THBS3: variants seen among roughly 807,000 people sequenced by gnomAD.
The protein encoded by THBS3 is thrombospondin 3.
In THBS3, 78 loss-of-function variants were observed where a neutral mutation model predicts 118.3. That is an observed-to-expected ratio of 0.66 (90% CI 0.55 to 0.80). The LOEUF is 0.80. Ranked by LOEUF, THBS3 falls within the 30% of genes least tolerant of loss-of-function variation. The probability of loss-of-function intolerance (pLI) is 0.00; values close to 1 mark genes in which losing one functional copy is unlikely to be tolerated. For missense variants in THBS3, 1,057 were observed against 1,247.4 expected, an observed-to-expected ratio of 0.85 and a Z score of 2.30; for synonymous variants, 427 against 475.3, an observed-to-expected ratio of 0.90 and a Z score of 1.32.
In THBS3 at chr1:155,203,292, C is replaced by T. The variant is rs535973025; in HGVS notation, c.687G>A (p.Lys229=). Residue 229 remains lysine (K), a synonymous_variant, in exon 6 of 23, where the codon AAG becomes AAA. Coordinates refer to ENST00000368378, the MANE Select transcript of THBS3 (RefSeq NM_007112.5). ...AGAGGGTGAGTTGGGTGACCAGCGCCTTGGTCTGCTCCCCTGTCGGGACCC... is the reference window on the plus strand; with the variant it reads ...AGAGGGTGAGTTGGGTGACCAGCGCTTTGGTCTGCTCCCCTGTCGGGACCC... ...ALHSILGEQT[K]ALVTQLTLFN... 1.9e-6 allele frequency: 3 copies of T among 1,614,092 alleles called. No individual in the cohort carries two copies. The highest frequency in any genetic ancestry group is 2.5e-6 in the Non-Finnish European group (3 of 1,180,024).
chr1:155,206,641 C>T lies in THBS3; in HGVS notation c.80-235G>A, dbSNP rs1670586832. Among the ~76,000 whole-genome samples the T allele has an allele frequency of 6.6e-6, 1 of 151,894 alleles. No individual in the cohort carries two copies. The highest frequency in any genetic ancestry group is 6.6e-5 in the Admixed American group (1 of 15,266). ...ACCAGCCTGGCCAACACGGTGAAAC[C>T]CCGTGTCTACTAAAAATACAAAAAC... On this transcript the variant is annotated intron_variant, in intron 1 of 22. Transcript: ENST00000368378. This position sits in a 1 kb window ranked among gnomAD's most constrained non-coding sequence, Gnocchi z 4.2.
rs144498728 is a variant in THBS3 at position 155,196,366 on chromosome 1, G to A, written c.2673-240C>T. Reference sequence around the variant, plus strand: ...TCTCAAAGCACCAGCCGCATTCCAAGCGAGGATTGGGTTGCCATGACAATA... The same window carrying A: ...TCTCAAAGCACCAGCCGCATTCCAAACGAGGATTGGGTTGCCATGACAATA... On this transcript the variant is annotated intron_variant, in intron 21 of 22. Coordinates refer to ENST00000368378, the MANE Select transcript of THBS3 (RefSeq NM_007112.5). 3,091 of 557,506 alleles carry A rather than the reference G, an allele frequency of 5.5e-3. 16 individuals are homozygous for A. Among genetic ancestry groups the A allele is most frequent in the Non-Finnish European group, 8.0e-3 (2,506 of 314,726 alleles). 34.5% of individuals were successfully genotyped at this position (557,506 alleles called of 1,614,324 possible).
rs138779407 is a variant in THBS3 at position 155,207,078 on chromosome 1, G to A, written c.80-672C>T. Among the ~76,000 whole-genome samples, 823 of 152,220 alleles carry A rather than the reference G, an allele frequency of 5.4e-3. 10 individuals are homozygous for A. Among genetic ancestry groups the A allele is most frequent in the African/African-American group, 0.019 (780 of 41,522 alleles). On this transcript the variant is annotated intron_variant, in intron 1 of 22. Transcript: ENST00000368378. ...AGGAGTGGCACCTGGTGTCCACAAC[G>A]TAGAAATGGAAGGCAGCTTCTCTTT...
Position 155,202,377 on chromosome 1 carries a change from G to A in THBS3, c.982C>T (p.Pro328Ser). Reference protein sequence around the residue: ...NECAHADPCFPGSSCINTMPG... With the variant: ...NECAHADPCFSGSSCINTMPG... Reference sequence around the variant, plus strand: ...ATGGTGTTGATGCAGCTGGAGCCCGGGAAACAGGGGTCAGCGTGAGCACAC... The same window carrying A: ...ATGGTGTTGATGCAGCTGGAGCCCGAGAAACAGGGGTCAGCGTGAGCACAC... The change falls in exon 9 of 23, where the codon CCG (proline) becomes TCG (serine). Residue 328 changes from proline (P) to serine (S), a missense_variant. This residue lies in a region of THBS3 where 544 missense variants were observed against 715.6 expected (regional missense o/e 0.76). Transcript: ENST00000368378. This position sits in a 1 kb window ranked among gnomAD's most constrained non-coding sequence, Gnocchi z 5.5. The A allele has an allele frequency of 6.2e-7, 1 of 1,613,958 alleles. No individual in the cohort carries two copies. Among genetic ancestry groups the A allele is most frequent in the Non-Finnish European group, 8.5e-7 (1 of 1,179,960 alleles).
intron 14 of THBS3, 101 bp downstream of exon 14, chr1:155,200,350 C>T (rs1234550852): frequency 1.4e-5 from 21 of 1,458,934 alleles, no homozygotes. Flanking sequence ...CACAAGCCTG[C>T]CTCCCTATTT....
chr1:155,202,708 CCA>C lies in THBS3; in HGVS notation c.957+102_957+103del. On this transcript the variant is annotated intron_variant, in intron 8 of 22. Transcript: ENST00000368378. This position sits in a 1 kb window ranked among gnomAD's most constrained non-coding sequence, Gnocchi z 5.5. ...TCTTGCCTCTGACCTCTCCTAAACT[CCA>C]GATTCCTCTCCTCCGGACCAGCATT... is the stretch of plus-strand genomic sequence containing the variant. 6.8e-7 allele frequency: 1 copy of C among 1,480,876 alleles called. No individual in the cohort carries two copies. The highest frequency in any genetic ancestry group is 9.1e-7 in the Non-Finnish European group (1 of 1,102,816). The allele number at this position is 1,480,876 out of a possible 1,614,324, so 91.7% of individuals were successfully genotyped here.
chr1:155,201,251 C>T, intron 11 of THBS3, 47 bp from the exon 12 acceptor site: 1 of 1,610,412 alleles, frequency 6.2e-7, no homozygotes, highest in African/African-American at 1.3e-5. Flanking sequence ...TCTGGCTCCC[C>T]TCCTCCCTAT....
intron 4 of THBS3, 140 bp from the exon 5 acceptor site, chr1:155,203,679 G>T (rs1670137883): frequency 1.9e-6 from 2 of 1,046,048 alleles, no homozygotes; most frequent in African/African-American, 3.2e-5. Flanking sequence ...TGCTGGGAGG[G>T]CAGAGCTGGC....
At position 155,201,995 on chromosome 1, in the gene THBS3, C is replaced by T. The variant is rs756900042; in HGVS notation, c.1138G>A (p.Gly380Ser). The change falls in exon 10 of 23, where the codon GGT becomes AGT. Residue 380 changes from glycine (G) to serine (S), a missense_variant. Gly to Ser is a moderately conservative substitution (Grantham distance 56, BLOSUM62 0). Coordinates refer to ENST00000368378, the MANE Select transcript of THBS3 (RefSeq NM_007112.5). ...CAGATGGAGTTTGGGTCACAGCCAC[C>T]ATTGTTGCCATCGTTGCATTCATCG... ...DIDECNDGNN[G>S]GCDPNSICTN... 6.2e-7 allele frequency: 1 copy of T among 1,614,128 alleles called. No homozygotes were observed. The highest frequency in any genetic ancestry group is 1.1e-5 in the South Asian group (1 of 91,080).
At chr1:155,201,348 G>A (rs1669689650) in intron 11 of THBS3, 69 bp downstream of exon 11, 3 of 1,566,922 alleles carry the variant, frequency 1.9e-6, no homozygotes, top group Non-Finnish European at 2.6e-6. Context: ...CCCAACCCAG[G>A]CCCTAAACAT....
chr1:155,197,715 T>C lies in THBS3; in HGVS notation c.2303-56A>G. 2 of 1,603,370 alleles carry C rather than the reference T, an allele frequency of 1.2e-6. No individual in the cohort carries two copies. Among genetic ancestry groups the C allele is most frequent in the Non-Finnish European group, 1.7e-6 (2 of 1,171,870 alleles). ...CAGCAAAGCTACTGGCGGCCCATCA[T>C]GGGGTAAAGTTGGGAAGGGATGCCT... On this transcript the variant is annotated intron_variant, in intron 19 of 22. Coordinates refer to ENST00000368378, the MANE Select transcript of THBS3 (RefSeq NM_007112.5). The surrounding 1 kb of genome is among the most constrained non-coding windows in gnomAD (Gnocchi z 5.0).
intron 10 of THBS3, 98 bp downstream of exon 10, chr1:155,201,859 G>A: frequency 6.5e-7 from 1 of 1,545,956 alleles, no homozygotes. Context: ...GCCCTGGGGA[G>A]GAGGAAAGGC....
rs139181795 is a variant in THBS3 at position 155,205,308 on chromosome 1, G to A, written c.295C>T (p.Arg99Ter). 22 of 1,613,596 alleles carry A rather than the reference G, an allele frequency of 1.4e-5. No individual in the cohort carries two copies. The highest frequency in any genetic ancestry group is 5.0e-5 in the Admixed American group (3 of 59,998). Reference protein sequence around the residue: ...VVGKINKVLVRYQREDGKVHA... With the variant: ...VVGKINKVLV ...ACTTTGCCATCCTCCCGCTGGTATC[G>A]CACCAGTACTGCCCAGGAGGGGAGA... The change falls in exon 3 of 23, where the codon CGA becomes TGA. Residue 99 changes from arginine (R) to a stop codon, truncating the protein, a stop_gained. Coordinates refer to ENST00000368378, the MANE Select transcript of THBS3 (RefSeq NM_007112.5). LOFTEE classifies it high-confidence loss of function.
Position 155,206,475 on chromosome 1 carries a change from C to T in THBS3, c.80-69G>A. ...GCTAAGGTATGCCCTCCCCCGAGCC[C>T]ACATCACCCCCTACCCCCACCACCA... On this transcript the variant is annotated intron_variant, in intron 1 of 22. Coordinates refer to ENST00000368378, the MANE Select transcript of THBS3 (RefSeq NM_007112.5). The surrounding 1 kb of genome is among the most constrained non-coding windows in gnomAD (Gnocchi z 4.2). The T allele has an allele frequency of 7.3e-7, 1 of 1,376,448 alleles. No homozygotes were observed. Among genetic ancestry groups the T allele is most frequent in the South Asian group, 1.2e-5 (1 of 81,436 alleles). 85.3% of individuals were successfully genotyped at this position (1,376,448 alleles called of 1,614,324 possible). A position where few individuals can be genotyped will look rare whatever the true frequency, so the allele number is the denominator to read the frequency against.
At position 155,195,717 on chromosome 1, in the gene THBS3, T is replaced by A. The variant is rs1402625739; in HGVS notation, c.*124A>T. 3.7e-6 allele frequency: 4 copies of A among 1,075,566 alleles called. No individual in the cohort carries two copies. Among genetic ancestry groups the A allele is most frequent in the African/African-American group, 1.6e-5 (1 of 63,618 alleles). The allele number at this position is 1,075,566 out of a possible 1,614,324, so 66.6% of individuals were successfully genotyped here. A position where few individuals can be genotyped will look rare whatever the true frequency, so the allele number is the denominator to read the frequency against. On this transcript the variant is annotated 3_prime_UTR_variant, in exon 23 of 23. Transcript: ENST00000368378. ...ACCACCCCTCTGGGACTGAACTCCT[T>A]TTGGGAGCCAGAGAAGGGTCTGTGG...
At position 155,202,195 on chromosome 1, in the gene THBS3, C is replaced by A; in HGVS notation, c.1098+66G>T. The stretch of plus-strand genomic sequence containing the variant: ...CCATTCATCACAAGGGTCCCATGTC[C>A]AACCCAGAAGCCCCTGGCCTCTACA... On this transcript the variant is annotated intron_variant, in intron 9 of 22. Coordinates refer to ENST00000368378, the MANE Select transcript of THBS3 (RefSeq NM_007112.5). The surrounding 1 kb of genome is among the most constrained non-coding windows in gnomAD (Gnocchi z 5.5). 2 of 1,595,108 alleles carry A rather than the reference C, an allele frequency of 1.3e-6. No homozygotes were observed. Among genetic ancestry groups the A allele is most frequent in the Admixed American group, 3.4e-5 (2 of 58,386 alleles).
Position 155,202,263 on chromosome 1 carries a change from G to A in THBS3, c.1096C>T (p.Gln366Ter), listed in dbSNP as rs746854135. Residue 366 changes from glutamine (Q) to a stop codon, truncating the protein, a stop_gained and splice_region_variant, in exon 9 of 23, where the codon CAG becomes TAG. Transcript: ENST00000368378. LOFTEE classifies it high-confidence loss of function. The surrounding 1 kb of genome is among the most constrained non-coding windows in gnomAD (Gnocchi z 5.5). ...CCACACACACTACCCAGTCTGACCT[G>A]TTTGCTGGCCCGGGCATAGTCAATG... ...VGIDYARASK[Q>*]VCNDIDECND... is the part of the protein sequence containing the mutation. 2.5e-6 allele frequency: 4 copies of A among 1,613,814 alleles called. No individual in the cohort carries two copies. The highest frequency in any genetic ancestry group is 3.4e-6 in the Non-Finnish European group (4 of 1,179,858).
chr1:155,208,793 G>A, upstream of THBS3: 1 of 1,517,962 alleles, frequency 6.6e-7, no homozygotes, highest in Non-Finnish European at 8.8e-7. Flanking sequence ...AACATAACGC[G>A]CTGTGGAAAA....
chr1:155,208,565 C>A, upstream of THBS3: 2 of 477,350 alleles, frequency 4.2e-6, no homozygotes, highest in East Asian at 6.6e-5. Flanking sequence ...GGGGTACAGG[C>A]GAGGAGCCAA....
Sources: gnomAD v4.1 joint callset for allele counts (sites outside exome capture counted in the v4.1 genomes callset) on GRCh38, gnomAD v4.1.1 for gene constraint, gnomAD v4.1.1 regional missense constraint, Gnocchi (gnomAD v3.1) non-coding constraint, MANE v1.5 for transcripts, NCBI Gene and HGNC (gene_info 2026-07-23, HGNC 2026-07-21) for gene names.